Variants in TYW1B observed in about 807,000 individuals in gnomAD.
TYW1B encodes tRNA-yW synthesizing protein 1 homolog B, also known as S-adenosyl-L-methionine-dependent tRNA 4-demethylwyosine synthase TYW1B.
Under a neutral mutation model 86.9 loss-of-function variants are expected in TYW1B, and 73 were observed. The observed-to-expected ratio is 0.84, with a 90% CI of 0.70 to 1.02. The LOEUF (loss-of-function observed/expected upper bound fraction) is 1.02. Ranked by LOEUF, TYW1B falls within the 50% of genes least tolerant of loss-of-function variation. TYW1B has a pLI of 0.00. For synonymous variants in TYW1B, 248 were observed against 292.8 expected (o/e 0.85, Z 1.56); for missense variants, 637 against 827.4 (o/e 0.77, Z 2.82).
intron 2 of TYW1B, among the ~76,000 whole-genome samples, chr7:72,826,489 T>C (rs1344770087): frequency 6.6e-6 from 1 of 152,192 alleles, no homozygotes; most frequent in Non-Finnish European, 1.5e-5. Flanking sequence ...TTACATACTT[T>C]TATCCTATAA....
chr7:72,619,590 G>A (rs1490256377), intron 12 of TYW1B, among the ~76,000 whole-genome samples: 5 of 148,498 alleles, frequency 3.4e-5, no homozygotes, highest in African/African-American at 9.9e-5. Flanking sequence ...GCAGTGAGCC[G>A]AGATTGCGCC....
intron 6 of TYW1B, among the ~76,000 whole-genome samples, chr7:72,792,437 A>G (rs1334531385): frequency 6.6e-6 from 1 of 152,226 alleles, no homozygotes; most frequent in Admixed American, 6.6e-5. Flanking sequence ...TAAAAATGCA[A>G]ATTAACACAA....
chr7:72,751,438 CCAAT>C (rs1787498848), intron 7 of TYW1B, among the ~76,000 whole-genome samples: 1 of 152,160 alleles, frequency 6.6e-6, no homozygotes, highest in African/African-American at 2.4e-5. Flanking sequence ...GACTACTGAG[CCAAT>C]CAATCAGAGA....
intron 7 of TYW1B, among the ~76,000 whole-genome samples, chr7:72,766,887 G>A (rs1173054548): frequency 2.0e-5 from 3 of 151,766 alleles, no homozygotes; most frequent in Non-Finnish European, 2.9e-5. Context: ...AGATCACACC[G>A]CTGCACTCCA....
chr7:72,812,139 G>GTTTTGGT (rs1788633262), intron 3 of TYW1B, among the ~76,000 whole-genome samples: 4 of 146,536 alleles, frequency 2.7e-5, no homozygotes, highest in South Asian at 2.1e-4. Flanking sequence ...TTTTAGAGGT[G>GTTTTGGT]TTTTTTTTTT....
chr7:72,653,370 G>A (rs2129569261), intron 11 of TYW1B, among the ~76,000 whole-genome samples: 1 of 152,276 alleles, frequency 6.6e-6, no homozygotes, highest in South Asian at 2.1e-4. Context: ...ACTTTGGGAG[G>A]CCGAGGCGGG....
intron 12 of TYW1B, among the ~76,000 whole-genome samples, chr7:72,619,452 T>TCAGAAAACTGTCTCAGAAA (rs1812161527): frequency 6.6e-6 from 1 of 151,490 alleles, no homozygotes; most frequent in Admixed American, 6.6e-5. Flanking sequence ...CCATCCTGGC[T>TCAGAAAACTGTCTCAGAAA]AACAAGGTGA....
chr7:72,673,704 T>C (rs1249132330), intron 11 of TYW1B, among the ~76,000 whole-genome samples: 2 of 152,174 alleles, frequency 1.3e-5, no homozygotes, highest in Non-Finnish European at 1.5e-5. Context: ...AGGTTGACTA[T>C]ATAGTCAAAC....
At chr7:72,678,945 C>G (rs1213930620) in intron 11 of TYW1B, among the ~76,000 whole-genome samples, 23 of 151,614 alleles carry the variant, frequency 1.5e-4, no homozygotes, top group Non-Finnish European at 2.8e-4. Context: ...GTTAAAGAAT[C>G]AAAAAAATTA....
At chr7:72,761,887 C>T (rs1554467231) in intron 7 of TYW1B, among the ~76,000 whole-genome samples, 1 of 151,286 alleles carries the variant, frequency 6.6e-6, no homozygotes, top group Non-Finnish European at 1.5e-5. Flanking sequence ...CAGAAAGTCC[C>T]AGCACATCAA....
chr7:72,729,047 C>A (rs1787057897), intron 8 of TYW1B, 116 bp from the exon 9 acceptor site: 1 of 903,158 alleles, frequency 1.1e-6, no homozygotes, highest in Non-Finnish European at 1.7e-6. Context: ...GTTTCCTCCT[C>A]AGAGTTCAAC....
intron 3 of TYW1B, among the ~76,000 whole-genome samples, chr7:72,811,214 T>C (rs746763543): frequency 6.3e-5 from 9 of 141,962 alleles, no homozygotes; most frequent in East Asian, 2.1e-4. Context: ...GAGCTTGTAG[T>C]GAGCCGAGAT....
intron 13 of TYW1B, among the ~76,000 whole-genome samples, chr7:72,612,900 C>T (rs1811971524): frequency 6.6e-6 from 1 of 152,008 alleles, no homozygotes; most frequent in Admixed American, 6.6e-5. Flanking sequence ...CAGGTTCGTG[C>T]CATCACACCC....
intron 11 of TYW1B, among the ~76,000 whole-genome samples, chr7:72,630,663 G>A (rs188755167): frequency 9.3e-4 from 142 of 152,244 alleles, no homozygotes; most frequent in Middle Eastern, 3.4e-3. Context: ...ATATTAGGCA[G>A]CCACACCAGA....
intron 7 of TYW1B, among the ~76,000 whole-genome samples, chr7:72,767,635 AT>A (rs1367245162): frequency 6.6e-6 from 1 of 152,082 alleles, no homozygotes; most frequent in Non-Finnish European, 1.5e-5. Flanking sequence ...AAATAAAAAA[AT>A]AAAAAAAACT....
intron 7 of TYW1B, among the ~76,000 whole-genome samples, chr7:72,753,496 T>C (rs1787535462): frequency 1.3e-5 from 2 of 151,602 alleles, no homozygotes; most frequent in African/African-American, 4.8e-5. Flanking sequence ...TTTTTTTTTT[T>C]TTGAGACAGA....
At chr7:72,781,378 T>C (rs1269587080) in intron 6 of TYW1B, among the ~76,000 whole-genome samples, 15 of 152,130 alleles carry the variant, frequency 9.9e-5, no homozygotes, top group Admixed American at 9.2e-4. Context: ...CCTCCTGGCG[T>C]CACTTCGTTG....
chr7:72,769,180 GC>G, intron 7 of TYW1B: 1 of 419,500 alleles, frequency 2.4e-6, no homozygotes, highest in Non-Finnish European at 3.8e-6. Flanking sequence ...GTGTTACCAT[GC>G]CATTTTATTG....
intron 11 of TYW1B, among the ~76,000 whole-genome samples, chr7:72,677,607 T>A (rs1185941135): frequency 6.6e-6 from 1 of 152,228 alleles, no homozygotes; most frequent in African/African-American, 2.4e-5. Flanking sequence ...CAGCTTCCGC[T>A]TCCTGGCCTA....
Sources: gnomAD v4.1 joint callset for allele counts (sites outside exome capture counted in the v4.1 genomes callset) on GRCh38, gnomAD v4.1.1 for gene constraint, MANE v1.5 for transcripts, NCBI Gene and HGNC (gene_info 2026-07-23, HGNC 2026-07-21) for gene names.